Variants in SCO2 observed in about 807,000 individuals in gnomAD.
SCO2 encodes synthesis of cytochrome C oxidase 2.
For synonymous variants in SCO2, 195 were observed against 148.6 expected (o/e 1.31, Z -2.27); for missense variants, 429 against 348.7 (o/e 1.23, Z -1.83).
At position 50,524,419 on chromosome 22, in the gene SCO2, A is replaced by T; in HGVS notation, c.-8T>A. The T allele has an allele frequency of 6.2e-7, 1 of 1,608,392 alleles. No individual in the cohort carries two copies. Among genetic ancestry groups the T allele is most frequent in the South Asian group, 1.1e-5 (1 of 91,030 alleles). On this transcript the variant is annotated 5_prime_UTR_variant, in exon 2 of 2. Transcript: ENST00000395693. The stretch of plus-strand genomic sequence containing the variant: ...CCGAGTCAGCAGCAGCATGGATCTG[A>T]TGCTCCTGGAAACAAGCACAGGCGT...
rs2148675322 is a variant in SCO2, at chr22:50,525,505, A to C, written c.-47T>G. 1.9e-6 allele frequency: 1 copy of C among 539,562 alleles called. No homozygotes were observed. The allele number at this position is 539,562 out of a possible 1,614,324, so 33.4% of individuals were successfully genotyped here. A position where few individuals can be genotyped will look rare whatever the true frequency, so the allele number is the denominator to read the frequency against. On this transcript the variant is annotated 5_prime_UTR_variant, in exon 1 of 2. Coordinates refer to ENST00000395693, the MANE Select transcript of SCO2 (RefSeq NM_005138.3). Reference sequence around the variant, plus strand: ...GGGGCCGCGCGTCAGTGGACCAAGCACGAGAGGAAGCGCCGACCTCCAGCT... The same window carrying C: ...GGGGCCGCGCGTCAGTGGACCAAGCCCGAGAGGAAGCGCCGACCTCCAGCT...
chr22:50,525,618 A>G (rs2069316501), upstream of SCO2: 2 of 1,208,798 alleles, frequency 1.7e-6, no homozygotes, highest in Non-Finnish European at 2.4e-6. Flanking sequence ...GCGCATGCGC[A>G]CACGGGCGCA....
In SCO2 at chr22:50,524,080, CCT is replaced by C; in HGVS notation, c.330_331del (p.Gly111ProfsTer7). 3.7e-6 allele frequency: 6 copies of C among 1,613,244 alleles called. No homozygotes were observed. The highest frequency in any genetic ancestry group is 5.1e-6 in the Non-Finnish European group (6 of 1,180,032). On this transcript the variant is annotated frameshift_variant, in exon 2 of 2. Coordinates refer to ENST00000395693, the MANE Select transcript of SCO2 (RefSeq NM_005138.3). LOFTEE classifies it low-confidence loss of function (END_TRUNC). ...GAAGTCAGCCTTGCAGCGAGCCCGG[CCT>C]CTGTGATCCAGCAGGTGGAAGTCGC...
At chr22:50,526,155 G>A (rs1280719206), upstream of SCO2, 8 of 1,476,312 alleles carry the variant, frequency 5.4e-6, no homozygotes, top group Admixed American at 2.3e-5. Flanking sequence ...CGGGGAGAGG[G>A]GCTGAGAGGC....
upstream of SCO2, chr22:50,525,890 G>T (rs897999639): frequency 2.5e-6 from 4 of 1,572,226 alleles, no homozygotes; most frequent in Non-Finnish European, 3.4e-6. Context: ...GCGCGGGGCC[G>T]TCCCGGTGCA....
chr22:50,525,487 C>T lies in SCO2; in HGVS notation c.-29G>A. Reference sequence around the variant, plus strand: ...GCGTCCGCACCTCGCGGCGGGGCCGCGCGTCAGTGGACCAAGCACGAGAGG... The same window carrying T: ...GCGTCCGCACCTCGCGGCGGGGCCGTGCGTCAGTGGACCAAGCACGAGAGG... On this transcript the variant is annotated 5_prime_UTR_variant, in exon 1 of 2. Coordinates refer to ENST00000395693, the MANE Select transcript of SCO2 (RefSeq NM_005138.3). 2.0e-6 allele frequency: 1 copy of T among 496,724 alleles called. No individual in the cohort carries two copies. The highest frequency in any genetic ancestry group is 3.6e-6 in the Non-Finnish European group (1 of 280,586). The allele number at this position is 496,724 out of a possible 1,614,324, so 30.8% of individuals were successfully genotyped here.
upstream of SCO2, chr22:50,525,654 C>T (rs1232432305): frequency 2.7e-6 from 4 of 1,467,458 alleles, no homozygotes; most frequent in Admixed American, 7.9e-5. Context: ...TCAGCGCGTG[C>T]GCGGAAGGCG....
At chr22:50,525,314 T>C (rs754907768) in intron 1 of SCO2, 158 bp downstream of exon 1, 129 of 240,516 alleles carry the variant, frequency 5.4e-4, no homozygotes, top group Middle Eastern at 1.6e-3. Context: ...CGGTGCCTGC[T>C]GGGAGCCTCC....
At position 50,525,463 on chromosome 22, in the gene SCO2, C is replaced by T. The variant is rs1057520877; in HGVS notation, c.-14+9G>A. On this transcript the variant is annotated intron_variant, in intron 1 of 1. Coordinates refer to ENST00000395693, the MANE Select transcript of SCO2 (RefSeq NM_005138.3). ...CTACCTCCTCCCCTCCCAGCCCCGGCGTCCGCACCTCGCGGCGGGGCCGCG... is the reference window on the plus strand; with the variant it reads ...CTACCTCCTCCCCTCCCAGCCCCGGTGTCCGCACCTCGCGGCGGGGCCGCG... The T allele has an allele frequency of 4.4e-6, 2 of 455,772 alleles. No homozygotes were observed. The highest frequency in any genetic ancestry group is 7.9e-6 in the Non-Finnish European group (2 of 254,030). The allele number at this position is 455,772 out of a possible 1,614,324, so 28.2% of individuals were successfully genotyped here. A position where few individuals can be genotyped will look rare whatever the true frequency, so the allele number is the denominator to read the frequency against.
upstream of SCO2, chr22:50,526,188 C>T: frequency 1.4e-6 from 2 of 1,474,924 alleles, no homozygotes; most frequent in Non-Finnish European, 1.8e-6. Context: ...AGGGGCGGGG[C>T]CTCGGGAAGG....
At chr22:50,526,441 TC>T, upstream of SCO2, 1 of 1,497,634 alleles carries the variant, frequency 6.7e-7, no homozygotes. Context: ...TGGGCCTGAG[TC>T]CCCGCGTGTC....
In SCO2 at chr22:50,523,952, C is replaced by G. The variant is rs148930837; in HGVS notation, c.460G>C (p.Glu154Gln). 1 of 1,612,466 alleles carries G rather than the reference C, an allele frequency of 6.2e-7. No homozygotes were observed. Residue 154 changes from glutamate (E) to glutamine (Q), a missense_variant, in exon 2 of 2, where the codon GAG becomes CAG. Physicochemically the swap from Glu to Gln is conservative, Grantham distance 29 (BLOSUM62 2). Transcript: ENST00000395693. Reference protein sequence around the residue: ...LVQVVRQLEAEPGLPPVQPVF... With the variant: ...LVQVVRQLEAQPGLPPVQPVF... ...GGCTGCACTGGAGGCAAACCAGGCT[C>G]TGCTTCCAGCTGCCGCACCACCTGC...
At chr22:50,526,191 C>CGGGAA, upstream of SCO2, 3 of 1,477,738 alleles carry the variant, frequency 2.0e-6, no homozygotes, top group Middle Eastern at 1.9e-4. Context: ...GGCGGGGCCT[C>CGGGAA]GGGAAGGGAA....
At chr22:50,524,786 G>A (rs1203871342) in intron 1 of SCO2, 9 of 410,734 alleles carry the variant, frequency 2.2e-5, no homozygotes, top group African/African-American at 8.2e-5. Flanking sequence ...AAGGAGGTGG[G>A]TAACTCTCTG....
upstream of SCO2, chr22:50,525,870 G>T (rs1015150419): frequency 1.3e-6 from 2 of 1,593,870 alleles, no homozygotes; most frequent in Admixed American, 1.7e-5. Flanking sequence ...GCGGCTCTGC[G>T]GGCCGCTGAG....
In SCO2 at chr22:50,523,752, G is replaced by A. The variant is rs1437597703; in HGVS notation, c.660C>T (p.Tyr220=). The A allele has an allele frequency of 1.2e-6, 2 of 1,614,110 alleles. No individual in the cohort carries two copies. The highest frequency in any genetic ancestry group is 2.7e-5 in the African/African-American group (2 of 74,946). ...NAGPKDEDQD[Y]IVDHSIAIYL... ...AGATGGCAATGGAGTGGTCCACGAT[G>A]TAGTCCTGGTCCTCATCCTTGGGGC... The change falls in exon 2 of 2, where the codon TAC becomes TAT. Residue 220 remains tyrosine (Y), a synonymous_variant. Transcript: ENST00000395693.
rs767634441 is a variant in SCO2 at position 50,524,296 on chromosome 22, G to A, written c.116C>T (p.Ser39Leu). The change falls in exon 2 of 2, where the codon TCA (serine) becomes TTA (leucine). Residue 39 changes from serine to leucine, a missense_variant. By Grantham distance (145) the Ser-to-Leu change is moderately radical. Coordinates refer to ENST00000395693, the MANE Select transcript of SCO2 (RefSeq NM_005138.3). ...QALHLRSWLL[S>L]RQGPAETGGQ... is the part of the protein sequence containing the mutation. ...ACCTGTCTCTGCAGGGCCCTGCCTT[G>A]ACAAAAGCCAGGACCTCAGATGCAG... 27 of 1,602,846 alleles carry A rather than the reference G, an allele frequency of 1.7e-5. No individual in the cohort carries two copies. In the Admixed American group the frequency reaches 3.2e-4, roughly 19 times the overall value.
chr22:50,525,850 C>T (rs752965552), upstream of SCO2: 1 of 1,605,304 alleles, frequency 6.2e-7, no homozygotes, highest in Non-Finnish European at 8.5e-7. Context: ...ACGAGCGCCT[C>T]CTGCAGGGCG....
intron 1 of SCO2, chr22:50,524,714 T>C: frequency 3.2e-6 from 2 of 616,232 alleles, no homozygotes; most frequent in Non-Finnish European, 6.2e-6. Flanking sequence ...CGGAAAGCAT[T>C]CCAAGTGCAT....
Sources: allele counts gnomAD v4.1 joint callset, GRCh38; gene constraint gnomAD v4.1.1; transcripts MANE v1.5; gene names NCBI Gene and HGNC (gene_info 2026-07-23, HGNC 2026-07-21).